PAG1: variants seen among roughly 807,000 people sequenced by gnomAD.
The protein encoded by PAG1 is phosphoprotein membrane anchor with glycosphingolipid microdomains 1.
Under a neutral mutation model 31.7 loss-of-function variants are expected in PAG1, and 23 were observed. The observed-to-expected ratio is 0.73, with a 90% CI of 0.52 to 1.03. PAG1 has a LOEUF of 1.03. Ranked by LOEUF, PAG1 falls within the 50% of genes least tolerant of loss-of-function variation. PAG1 has a pLI of 0.00. For synonymous variants in PAG1, 214 were observed against 210.3 expected (o/e 1.02, Z -0.15); for missense variants, 473 against 540.7 (o/e 0.87, Z 1.24).
intron 7 of PAG1, among the ~76,000 whole-genome samples, chr8:80,980,981 G>T (rs2130375839): frequency 6.6e-6 from 1 of 152,204 alleles, no homozygotes; most frequent in East Asian, 1.9e-4. Flanking sequence ...GAAGGATTTT[G>T]GCTCTTGGTT....
intron 2 of PAG1, among the ~76,000 whole-genome samples, chr8:81,054,670 G>A (rs767108256): frequency 6.6e-5 from 10 of 151,404 alleles, no homozygotes; most frequent in South Asian, 2.1e-4. Context: ...GCGAGACTCC[G>A]TCTCAAAAAA....
At chr8:81,047,953 C>T (rs777555962) in intron 2 of PAG1, among the ~76,000 whole-genome samples, 4 of 152,126 alleles carry the variant, frequency 2.6e-5, no homozygotes, top group Admixed American at 2.0e-4. Flanking sequence ...AAAAAGTAAA[C>T]CTCTCCTACA....
intron 3 of PAG1, among the ~76,000 whole-genome samples, chr8:80,995,755 C>T (rs1006297251): frequency 6.6e-6 from 1 of 152,170 alleles, no homozygotes; most frequent in South Asian, 2.1e-4. Context: ...ATTCATGAAA[C>T]CTAGTGTGGA....
chr8:81,032,971 AT>A (rs1356697014), intron 2 of PAG1, among the ~76,000 whole-genome samples: 4 of 152,238 alleles, frequency 2.6e-5, no homozygotes, highest in South Asian at 2.1e-4. Context: ...TCACAAAAAA[AT>A]ATTATATGAT....
rs1043588642 is a variant in PAG1 at position 80,970,789 on chromosome 8, C to T, written c.*5755G>A. The T allele has an allele frequency of 3.3e-5, 5 of 153,062 alleles. No individual in the cohort carries two copies. The highest frequency in any genetic ancestry group is 6.5e-5 in the Admixed American group (1 of 15,286). 9.5% of individuals were successfully genotyped at this position (153,062 alleles called of 1,614,324 possible). A position where few individuals can be genotyped will look rare whatever the true frequency, so the allele number is the denominator to read the frequency against. ...CTGCCGCCCTAGGTGGACCTGTGGCCTCATCTTGGCAGCCTGTGAGTTGGG... is the reference window on the plus strand; with the variant it reads ...CTGCCGCCCTAGGTGGACCTGTGGCTTCATCTTGGCAGCCTGTGAGTTGGG... On this transcript the variant is annotated 3_prime_UTR_variant, in exon 9 of 9. Coordinates refer to ENST00000220597, the MANE Select transcript of PAG1 (RefSeq NM_018440.4).
At chr8:81,019,515 C>A (rs1245760585) in intron 3 of PAG1, among the ~76,000 whole-genome samples, 1 of 152,220 alleles carries the variant, frequency 6.6e-6, no homozygotes, top group Non-Finnish European at 1.5e-5. Context: ...TAAAAGGGGC[C>A]AACATACAGC....
chr8:81,050,324 C>A (rs1808707389), intron 2 of PAG1, among the ~76,000 whole-genome samples: 2 of 152,086 alleles, frequency 1.3e-5, no homozygotes, highest in Non-Finnish European at 1.5e-5. Context: ...CATTCATATA[C>A]CCAAATGTCA....
chr8:80,991,445 C>T (rs747546271), intron 5 of PAG1, 34 bp downstream of exon 5: 11 of 1,568,244 alleles, frequency 7.0e-6, no homozygotes, highest in African/African-American at 1.4e-5. Flanking sequence ...GGAGCACGCA[C>T]GGACAGACAG....
chr8:81,052,676 C>G (rs569111141), intron 2 of PAG1, among the ~76,000 whole-genome samples: 1 of 152,270 alleles, frequency 6.6e-6, no homozygotes, highest in East Asian at 1.9e-4. Flanking sequence ...TCTTTAAGAT[C>G]AATTGTGAGC....
intron 1 of PAG1, among the ~76,000 whole-genome samples, chr8:81,076,264 CA>C (rs1809175363): frequency 6.6e-6 from 1 of 152,184 alleles, no homozygotes; most frequent in Non-Finnish European, 1.5e-5. Flanking sequence ...TGTGAATTAT[CA>C]CAAGGCTTTG....
intron 2 of PAG1, among the ~76,000 whole-genome samples, chr8:81,035,008 C>T (rs1341703545): frequency 6.6e-6 from 1 of 152,066 alleles, no homozygotes; most frequent in East Asian, 1.9e-4. Flanking sequence ...GCAACATCGA[C>T]CTGATTTAGG....
At chr8:81,070,537 T>C (rs1385829456) in intron 1 of PAG1, among the ~76,000 whole-genome samples, 1 of 151,998 alleles carries the variant, frequency 6.6e-6, no homozygotes, top group African/African-American at 2.4e-5. Flanking sequence ...CTAGGAGTTA[T>C]CACCAGCACT....
intron 1 of PAG1, among the ~76,000 whole-genome samples, chr8:81,106,509 A>C (rs1385998074): frequency 6.6e-6 from 1 of 152,144 alleles, no homozygotes; most frequent in Non-Finnish European, 1.5e-5. Context: ...AGGAGACTAA[A>C]TTTTTAAAAC....
intron 6 of PAG1, among the ~76,000 whole-genome samples, chr8:80,987,145 G>A (rs543203238): frequency 8.1e-4 from 124 of 152,250 alleles, no homozygotes; most frequent in African/African-American, 2.9e-3. Flanking sequence ...TACTAAAAGA[G>A]CAAATGAATT....
chr8:81,013,011 A>G (rs894409564), intron 3 of PAG1, among the ~76,000 whole-genome samples: 13 of 152,250 alleles, frequency 8.5e-5, no homozygotes, highest in Admixed American at 6.5e-4. Flanking sequence ...AGGTTTGTGT[A>G]TAAGTTTCTG....
At chr8:81,059,633 T>C (rs912523239) in intron 2 of PAG1, among the ~76,000 whole-genome samples, 1 of 152,172 alleles carries the variant, frequency 6.6e-6, no homozygotes, top group Non-Finnish European at 1.5e-5. Flanking sequence ...CAGTCTAGAA[T>C]ATTCATTAGC....
intron 1 of PAG1, among the ~76,000 whole-genome samples, chr8:81,093,780 ATGAAAATAAC>A: frequency 6.6e-6 from 1 of 152,176 alleles, no homozygotes; most frequent in East Asian, 1.9e-4. Flanking sequence ...ATCGTTGCTG[ATGAAAATAAC>A]CTCAGGAAGG....
At chr8:81,031,309 C>T (rs750571845) in intron 2 of PAG1, among the ~76,000 whole-genome samples, 10 of 152,150 alleles carry the variant, frequency 6.6e-5, no homozygotes, top group Admixed American at 2.0e-4. Context: ...TCTTCTAAGC[C>T]GACTCCAGGT....
intron 3 of PAG1, among the ~76,000 whole-genome samples, chr8:81,013,103 G>A (rs1315398387): frequency 6.6e-6 from 1 of 152,166 alleles, no homozygotes; most frequent in Non-Finnish European, 1.5e-5. Flanking sequence ...AAAAGGCAGA[G>A]GTATGGGTCA....
Sources: allele counts gnomAD v4.1 joint callset (sites outside exome capture counted in the v4.1 genomes callset), GRCh38; gene constraint gnomAD v4.1.1; transcripts MANE v1.5; gene names NCBI Gene and HGNC (gene_info 2026-07-23, HGNC 2026-07-21).